DDX10: variants seen among roughly 807,000 people sequenced by gnomAD.
DDX10 encodes DEAD-box helicase 10, also known as probable ATP-dependent RNA helicase DDX10.
A neutral mutation model predicts 104.3 loss-of-function variants in DDX10; 74 were observed. The observed-to-expected ratio is 0.71, with a 90% CI of 0.59 to 0.86. The LOEUF (loss-of-function observed/expected upper bound fraction) is 0.86. Ranked by LOEUF, DDX10 falls within the 40% of genes least tolerant of loss-of-function variation. DDX10 has a pLI of 0.00. For missense variants in DDX10, 952 were observed against 1,040.0 expected, an observed-to-expected ratio of 0.92 and a Z score of 1.16; for synonymous variants, 351 against 353.4, an observed-to-expected ratio of 0.99 and a Z score of 0.08.
chr11:108,889,451 TTAAAAC>T (rs1203008032), intron 16 of DDX10, among the ~76,000 whole-genome samples: 1 of 152,184 alleles, frequency 6.6e-6, no homozygotes, highest in Non-Finnish European at 1.5e-5. Flanking sequence ...AATAAAACCT[TTAAAAC>T]TAATTGAAAA....
At chr11:108,752,625 G>T (rs1295967855) in intron 13 of DDX10, among the ~76,000 whole-genome samples, 1 of 152,006 alleles carries the variant, frequency 6.6e-6, no homozygotes, top group Non-Finnish European at 1.5e-5. Context: ...TTGTTGTTCT[G>T]GTCTAACAGC....
rs1233044616 is a variant in DDX10 at position 108,802,178 on chromosome 11, T to C, written c.1966-36268T>C. 5.3e-5 allele frequency among the ~76,000 whole-genome samples: 8 copies of C among 152,122 alleles called. No homozygotes were observed. In the South Asian group the frequency reaches 1.2e-3, roughly 24 times the overall value. ...AATATGCATGGGACCAGAAGTGCTTTGGGTTTTGGATTTTTTTTTATTTTG... is the reference window on the plus strand; with the variant it reads ...AATATGCATGGGACCAGAAGTGCTTCGGGTTTTGGATTTTTTTTTATTTTG... On this transcript the variant is annotated intron_variant, in intron 13 of 17. Transcript: ENST00000322536.
intron 16 of DDX10, among the ~76,000 whole-genome samples, chr11:108,874,827 C>T (rs923835999): frequency 7.9e-5 from 12 of 152,026 alleles, no homozygotes; most frequent in East Asian, 3.9e-4. Flanking sequence ...GCCAGAATAA[C>T]GGGGTTTGAA....
rs192099644 is a variant in DDX10, at chr11:108,717,038, G to T, written c.1410+1072G>T. Among the ~76,000 whole-genome samples, 596 of 151,996 alleles carry T rather than the reference G, an allele frequency of 3.9e-3. 7 individuals are homozygous for T. The highest frequency in any genetic ancestry group is 0.014 in the African/African-American group (570 of 41,466). On this transcript the variant is annotated intron_variant, in intron 11 of 17. Transcript: ENST00000322536. Reference sequence around the variant, plus strand: ...AATCTTTGAATTAACAGATATTTGAGTTCTTATCATTTTCACCTGTCCTTT... The same window carrying T: ...AATCTTTGAATTAACAGATATTTGATTTCTTATCATTTTCACCTGTCCTTT...
At chr11:108,707,865 G>A (rs2094278597) in intron 10 of DDX10, among the ~76,000 whole-genome samples, 1 of 152,128 alleles carries the variant, frequency 6.6e-6, no homozygotes, top group Non-Finnish European at 1.5e-5. Flanking sequence ...AGTGGATGTT[G>A]GATTAACGTT....
At chr11:108,762,575 A>G (rs915906871) in intron 13 of DDX10, among the ~76,000 whole-genome samples, 1 of 152,162 alleles carries the variant, frequency 6.6e-6, no homozygotes, top group African/African-American at 2.4e-5. Context: ...TATCTTCTAG[A>G]TGAAGGGGGA....
At chr11:108,686,795 GT>G (rs926245925) in intron 6 of DDX10, among the ~76,000 whole-genome samples, 27 of 152,188 alleles carry the variant, frequency 1.8e-4, no homozygotes, top group African/African-American at 5.3e-4. Context: ...CTAAAAGTAT[GT>G]TTTTTTGAGA....
intron 13 of DDX10, among the ~76,000 whole-genome samples, chr11:108,751,040 C>T (rs1482180297): frequency 7.1e-6 from 1 of 140,112 alleles, no homozygotes; most frequent in Non-Finnish European, 1.5e-5. Flanking sequence ...CCTTGGCCTC[C>T]CAAAATGCTG....
intron 13 of DDX10, among the ~76,000 whole-genome samples, chr11:108,740,023 A>G (rs557861898): frequency 7.0e-6 from 1 of 143,210 alleles, no homozygotes; most frequent in Admixed American, 7.2e-5. Flanking sequence ...GTATATGTGC[A>G]GATTTGTTAT....
intron 16 of DDX10, among the ~76,000 whole-genome samples, chr11:108,893,478 T>A (rs781376766): frequency 4.6e-5 from 7 of 152,116 alleles, no homozygotes; most frequent in African/African-American, 1.2e-4. Flanking sequence ...TGCTAGACAT[T>A]GTTATTGTTA....
intron 16 of DDX10, among the ~76,000 whole-genome samples, chr11:108,887,101 A>G (rs1863307302): frequency 6.6e-6 from 1 of 152,174 alleles, no homozygotes. Flanking sequence ...CATGTTGTAG[A>G]GTTTGGAAAT....
chr11:108,868,240 C>G (rs993884367), intron 16 of DDX10: 10 of 152,000 alleles, frequency 6.6e-5, no homozygotes, highest in African/African-American at 2.4e-4. Flanking sequence ...CTCCATTTTT[C>G]AGATGAGGAA....
At chr11:108,716,066 C>A in intron 11 of DDX10, 100 bp downstream of exon 11, 1 of 715,832 alleles carries the variant, frequency 1.4e-6, no homozygotes, top group Non-Finnish European at 2.4e-6. Flanking sequence ...TTCAGATATT[C>A]AAGCAGTGTA....
At chr11:108,857,221 A>G (rs137998253) in intron 16 of DDX10, among the ~76,000 whole-genome samples, 394 of 152,204 alleles carry the variant, frequency 2.6e-3, no homozygotes, top group African/African-American at 8.8e-3. Context: ...AATCGCATCC[A>G]TGATACATGA....
At chr11:108,685,548 G>A (rs1275030639) in intron 6 of DDX10, among the ~76,000 whole-genome samples, 1 of 152,142 alleles carries the variant, frequency 6.6e-6, no homozygotes, top group African/African-American at 2.4e-5. Flanking sequence ...GGCCATCTTG[G>A]CTCCTCCCAA....
At position 108,677,116 on chromosome 11, in the gene DDX10, C is replaced by T. The variant is rs752555495; in HGVS notation, c.410C>T (p.Thr137Ile). 6.2e-7 allele frequency: 1 copy of T among 1,613,296 alleles called. No homozygotes were observed. The highest frequency in any genetic ancestry group is 8.5e-7 in the Non-Finnish European group (1 of 1,179,670). Residue 137 changes from threonine (T) to isoleucine (I), a missense_variant, in exon 4 of 18, where the codon ACT becomes ATT. By Grantham distance (89) the Thr-to-Ile change is moderately conservative. Coordinates refer to ENST00000322536, the MANE Select transcript of DDX10 (RefSeq NM_004398.4). ...GAAGCCTTATATCGTCTGCAATGGA[C>T]TTCAACAGATGGGCTGGGGGTTCTC... ...VLEALYRLQWTSTDGLGVLII... is the reference protein window; with the variant it reads ...VLEALYRLQWISTDGLGVLII...
chr11:108,929,941 CT>C (rs1226835155), intron 17 of DDX10, among the ~76,000 whole-genome samples: 24 of 152,254 alleles, frequency 1.6e-4, no homozygotes, highest in African/African-American at 5.5e-4. Flanking sequence ...CCAATTTCCC[CT>C]ATTAGTAACA....
intron 15 of DDX10, among the ~76,000 whole-genome samples, chr11:108,844,145 T>G (rs1565296216): frequency 6.6e-6 from 1 of 152,216 alleles, no homozygotes; most frequent in East Asian, 1.9e-4. Flanking sequence ...CTTCTGTGAC[T>G]ACAAGAGTCA....
At chr11:108,767,635 T>G (rs1465464427) in intron 13 of DDX10, among the ~76,000 whole-genome samples, 2 of 152,226 alleles carry the variant, frequency 1.3e-5, no homozygotes, top group African/African-American at 2.4e-5. Context: ...TCCCTTGTCC[T>G]TTACTTATGC....
Sources: allele counts gnomAD v4.1 joint callset (sites outside exome capture counted in the v4.1 genomes callset), GRCh38; gene constraint gnomAD v4.1.1; transcripts MANE v1.5; gene names NCBI Gene and HGNC (gene_info 2026-07-23, HGNC 2026-07-21).